The following NAALADL2 variants were observed in gnomAD, a reference collection of about 807,000 sequenced individuals.
NAALADL2 encodes the protein inactive N-acetylated-alpha-linked acidic dipeptidase-like protein 2.
Under a neutral mutation model 87.2 loss-of-function variants are expected in NAALADL2, and 76 were observed. The ratio of observed to expected loss-of-function variants is 0.87; its 90% CI spans 0.72 to 1.05. The LOEUF (loss-of-function observed/expected upper bound fraction) is 1.05. Among genes scored for constraint, NAALADL2 ranks in the 50% least tolerant of loss-of-function variants. The pLI, the probability that NAALADL2 is intolerant of heterozygous loss-of-function variation, is 0.00. For synonymous variants in NAALADL2, 354 were observed against 331.0 expected (o/e 1.07, Z -0.75); for missense variants, 1,089 against 945.8 (o/e 1.15, Z -1.99).
At chr3:174,500,262 C>G (rs536920478) in intron 1 of NAALADL2, among the ~76,000 whole-genome samples, 1 of 151,986 alleles carries the variant, frequency 6.6e-6, no homozygotes, top group Non-Finnish European at 1.5e-5. Flanking sequence ...ATGTGTTATA[C>G]GTGGATCTTG....
intron 1 of NAALADL2, among the ~76,000 whole-genome samples, chr3:175,064,585 T>C (rs1370839116): frequency 6.6e-6 from 1 of 152,282 alleles, no homozygotes; most frequent in Admixed American, 6.5e-5. Context: ...GGGTCAACTT[T>C]CTGTGACTTA....
chr3:175,344,875 TTCA>T (rs1762961676), intron 5 of NAALADL2, among the ~76,000 whole-genome samples: 2 of 152,182 alleles, frequency 1.3e-5, no homozygotes, highest in South Asian at 4.1e-4. Flanking sequence ...CTCTTACAAC[TTCA>T]TAACAATAAA....
intron 13 of NAALADL2, among the ~76,000 whole-genome samples, chr3:175,758,516 T>C (rs921797107): frequency 1.9e-4 from 29 of 152,024 alleles, no homozygotes; most frequent in African/African-American, 7.0e-4. Flanking sequence ...TGTACTTCAT[T>C]TATAAAATAC....
At chr3:174,861,467 G>C (rs1726493424) in intron 1 of NAALADL2, among the ~76,000 whole-genome samples, 3 of 152,012 alleles carry the variant, frequency 2.0e-5, no homozygotes, top group Admixed American at 1.3e-4. Context: ...TTTCACCTTT[G>C]ACTTAATGAC....
intron 2 of NAALADL2, among the ~76,000 whole-genome samples, chr3:175,116,096 G>C (rs1725103972): frequency 6.6e-6 from 1 of 151,908 alleles, no homozygotes; most frequent in Admixed American, 6.6e-5. Flanking sequence ...ACTAATAAGA[G>C]CTAGTTATGA....
At chr3:174,942,167 T>C (rs529368537) in intron 1 of NAALADL2, among the ~76,000 whole-genome samples, 1 of 152,236 alleles carries the variant, frequency 6.6e-6, no homozygotes, top group African/African-American at 2.4e-5. Flanking sequence ...TTACTGCTGA[T>C]AGTAGTCTTC....
chr3:174,591,763 A>G (rs896033732), intron 2 of NAALADL2, among the ~76,000 whole-genome samples: 8 of 152,220 alleles, frequency 5.3e-5, no homozygotes, highest in African/African-American at 1.9e-4. Context: ...ATGAAATTAT[A>G]GTATACAAGG....
intron 5 of NAALADL2, among the ~76,000 whole-genome samples, chr3:175,372,520 A>G (rs372226585): frequency 6.6e-6 from 1 of 152,224 alleles, no homozygotes. Context: ...ATGGTTGCTG[A>G]TAAAGGCTGA....
chr3:174,450,460 T>C (rs1233211767), intron 1 of NAALADL2, among the ~76,000 whole-genome samples: 6 of 152,234 alleles, frequency 3.9e-5, no homozygotes, highest in Non-Finnish European at 4.4e-5. Context: ...CATCTCATTG[T>C]CCAGATACAG....
intron 2 of NAALADL2, among the ~76,000 whole-genome samples, chr3:174,604,971 T>A (rs183567977): frequency 6.6e-6 from 1 of 151,970 alleles, no homozygotes; most frequent in Admixed American, 6.6e-5. Flanking sequence ...CAGGCTGATC[T>A]TGAACTCCTG....
At chr3:175,124,413 A>G (rs1338666875) in intron 2 of NAALADL2, 1 of 151,832 alleles carries the variant, frequency 6.6e-6, no homozygotes, top group Non-Finnish European at 1.5e-5. Context: ...TACACTTTTT[A>G]CCTCAGGGTC....
intron 4 of NAALADL2, among the ~76,000 whole-genome samples, chr3:175,312,344 T>G (rs1381460938): frequency 6.6e-6 from 1 of 152,202 alleles, no homozygotes; most frequent in Non-Finnish European, 1.5e-5. Context: ...TTAAGTTTAT[T>G]TTTTATGTTA....
intron 10 of NAALADL2, among the ~76,000 whole-genome samples, chr3:175,589,533 T>C (rs968711890): frequency 6.6e-6 from 1 of 151,990 alleles, no homozygotes. Flanking sequence ...ATAATTCCTA[T>C]TTATCTATCT....
chr3:174,841,694 A>G (rs1268774004), intron 3 of NAALADL2, among the ~76,000 whole-genome samples: 1 of 152,202 alleles, frequency 6.6e-6, no homozygotes, highest in Non-Finnish European at 1.5e-5. Context: ...TATGCCAATA[A>G]TACCATTTGA....
chr3:175,634,421 T>A (rs535546950), intron 11 of NAALADL2, among the ~76,000 whole-genome samples: 181 of 152,118 alleles, frequency 1.2e-3, no homozygotes, highest in African/African-American at 4.1e-3. Flanking sequence ...ATCTTCTCAT[T>A]TTATAACTAT....
At chr3:174,699,160 TA>T (rs897508229) in intron 2 of NAALADL2, among the ~76,000 whole-genome samples, 1 of 152,108 alleles carries the variant, frequency 6.6e-6, no homozygotes, top group African/African-American at 2.4e-5. Context: ...ACATTATGAG[TA>T]ATTTCTTTAT....
At chr3:175,167,019 T>C (rs958081958) in intron 2 of NAALADL2, among the ~76,000 whole-genome samples, 8 of 152,098 alleles carry the variant, frequency 5.3e-5, no homozygotes, top group African/African-American at 1.7e-4. Flanking sequence ...TTTCACTTCC[T>C]AATCAAGGAC....
In NAALADL2 at chr3:175,578,284, G is replaced by A. The variant is rs532493565; in HGVS notation, c.1800+2097G>A. 8.8e-4 allele frequency among the ~76,000 whole-genome samples: 134 copies of A among 152,130 alleles called. 1 individual carries two copies. Among genetic ancestry groups the A allele is most frequent in the Middle Eastern group, 3.4e-3 (1 of 294 alleles). On this transcript the variant is annotated intron_variant, in intron 10 of 13. Transcript: ENST00000454872. ...GCAATAATACAAAAATCAGCTGGCC[G>A]TGTTTGCAGGTGCCTATAGTCCCAG...
At chr3:175,567,922 G>T (rs910607327) in intron 9 of NAALADL2, among the ~76,000 whole-genome samples, 1 of 151,938 alleles carries the variant, frequency 6.6e-6, no homozygotes, top group Non-Finnish European at 1.5e-5. Flanking sequence ...CGCCATGTTG[G>T]CAAGGCTGGT....
Sources: gnomAD v4.1 joint callset for allele counts (sites outside exome capture counted in the v4.1 genomes callset) on GRCh38, gnomAD v4.1.1 for gene constraint, MANE v1.5 for transcripts, NCBI Gene and HGNC (gene_info 2026-07-23, HGNC 2026-07-21) for gene names.